DGKG: variants seen among roughly 807,000 people sequenced by gnomAD.
DGKG encodes the protein diacylglycerol kinase gamma, also known as DAG kinase gamma.
DGKG carries 78 observed loss-of-function variants against 105.3 expected under a neutral mutation model. That is an observed-to-expected ratio of 0.74 (90% CI 0.62 to 0.89). The LOEUF (loss-of-function observed/expected upper bound fraction) is 0.89, where lower values mean the gene tolerates loss of function less well. DGKG is among the 40% of genes least tolerant of loss of function. The probability of loss-of-function intolerance (pLI) is 0.00; values close to 1 mark genes in which losing one functional copy is unlikely to be tolerated. For synonymous variants in DGKG, 346 were observed against 367.1 expected, an observed-to-expected ratio of 0.94 and a Z score of 0.66; for missense variants, 958 against 1,020.1, an observed-to-expected ratio of 0.94 and a Z score of 0.83.
intron 20 of DGKG, among the ~76,000 whole-genome samples, chr3:186,236,233 C>T (rs1008412011): frequency 3.2e-4 from 48 of 152,304 alleles, no homozygotes; most frequent in African/African-American, 1.1e-3. Flanking sequence ...TTTAGTTGTC[C>T]TCCAACTTTT....
intron 21 of DGKG, among the ~76,000 whole-genome samples, chr3:186,193,708 G>T (rs1172238315): frequency 2.0e-5 from 3 of 152,198 alleles, no homozygotes; most frequent in Non-Finnish European, 2.9e-5. Flanking sequence ...TAAATGGAAC[G>T]CCGGCCCCGG....
chr3:186,348,917 G>A (rs1726490699), intron 1 of DGKG, among the ~76,000 whole-genome samples: 1 of 151,862 alleles, frequency 6.6e-6, no homozygotes, highest in Non-Finnish European at 1.5e-5. Context: ...ATTTTCACCA[G>A]AATATACTTT....
At chr3:186,224,749 T>C (rs1719770441) in intron 20 of DGKG, among the ~76,000 whole-genome samples, 2 of 126,758 alleles carry the variant, frequency 1.6e-5, no homozygotes, top group South Asian at 3.0e-4. Flanking sequence ...CCAATCTTCT[T>C]GTGAATTTCT....
intron 15 of DGKG, among the ~76,000 whole-genome samples, chr3:186,261,267 C>T (rs1419623192): frequency 6.6e-6 from 1 of 152,206 alleles, no homozygotes; most frequent in Non-Finnish European, 1.5e-5. Flanking sequence ...CTCCGCTGAA[C>T]TGGGCATTTC....
At chr3:186,176,524 T>C (rs1334740417) in intron 22 of DGKG, among the ~76,000 whole-genome samples, 1 of 152,108 alleles carries the variant, frequency 6.6e-6, no homozygotes, top group East Asian at 1.9e-4. Context: ...TTCTGGTGGT[T>C]GGGTCAGGGT....
intron 16 of DGKG, among the ~76,000 whole-genome samples, chr3:186,259,097 TCTCC>T (rs1721620674): frequency 9.7e-6 from 1 of 103,006 alleles, no homozygotes; most frequent in African/African-American, 5.4e-5. Flanking sequence ...AGAACTCTGC[TCTCC>T]GACGGGACTC....
intron 21 of DGKG, among the ~76,000 whole-genome samples, chr3:186,190,925 C>T (rs554348049): frequency 2.5e-4 from 38 of 152,290 alleles, no homozygotes; most frequent in African/African-American, 4.3e-4. Context: ...GCTGCTCTAT[C>T]GGAGCTGCAT....
chr3:186,165,056 T>G, intron 22 of DGKG, 38 bp from the exon 23 acceptor site: 1 of 1,588,518 alleles, frequency 6.3e-7, no homozygotes, highest in Non-Finnish European at 8.6e-7. Context: ...CATACACATC[T>G]CTGTGTTCCT....
intron 10 of DGKG, among the ~76,000 whole-genome samples, chr3:186,274,466 C>G (rs990384279): frequency 6.6e-6 from 1 of 151,814 alleles, no homozygotes; most frequent in African/African-American, 2.4e-5. Context: ...TATACATATG[C>G]CATGTTGGTG....
At chr3:186,286,368 C>A (rs1723070787) in intron 6 of DGKG, among the ~76,000 whole-genome samples, 1 of 152,174 alleles carries the variant, frequency 6.6e-6, no homozygotes. Context: ...CCAACGCTGA[C>A]CTCTCTCTGG....
chr3:186,274,845 C>T (rs1233694065), intron 10 of DGKG, among the ~76,000 whole-genome samples: 2 of 152,148 alleles, frequency 1.3e-5, no homozygotes, highest in Admixed American at 6.5e-5. Context: ...CCACAATAAA[C>T]ATACGTGTGC....
intron 5 of DGKG, among the ~76,000 whole-genome samples, chr3:186,294,730 C>T (rs779024380): frequency 5.0e-5 from 7 of 139,446 alleles, no homozygotes; most frequent in Non-Finnish European, 8.8e-5. Context: ...GTGCCTTACA[C>T]AGATGCCTGA....
chr3:186,177,236 T>C (rs1010234277), intron 22 of DGKG, among the ~76,000 whole-genome samples: 3 of 152,204 alleles, frequency 2.0e-5, no homozygotes, highest in African/African-American at 7.2e-5. Flanking sequence ...TCTCTTCTTA[T>C]TATTCAAAGG....
At chr3:186,262,883 C>T (rs1721842895) in intron 14 of DGKG, among the ~76,000 whole-genome samples, 1 of 152,192 alleles carries the variant, frequency 6.6e-6, no homozygotes, top group Non-Finnish European at 1.5e-5. Flanking sequence ...AATCCCAACA[C>T]TTTGGGAGGC....
rs1401621751 is a variant in DGKG at position 186,320,551 on chromosome 3, A to G, written c.-92T>C. The G allele has an allele frequency of 6.2e-6, 10 of 1,602,940 alleles. No homozygotes were observed. Among genetic ancestry groups the G allele is most frequent in the Non-Finnish European group, 8.5e-6 (10 of 1,173,896 alleles). ...CCCAGCCCAGGGCCTGGCTCATTGC[A>G]GGTTTGCGATGTAAGCCTTTCAGGA... On this transcript the variant is annotated 5_prime_UTR_variant, in exon 2 of 25. Transcript: ENST00000265022.
chr3:186,273,113 G>A (rs781782371), intron 10 of DGKG, among the ~76,000 whole-genome samples: 1 of 152,110 alleles, frequency 6.6e-6, no homozygotes, highest in Non-Finnish European at 1.5e-5. Context: ...AGGGTTTTCT[G>A]TAAAAAGGGA....
rs566176876 is a variant in DGKG, at chr3:186,312,093, G to A, written c.68-5116C>T. Among the ~76,000 whole-genome samples the A allele has an allele frequency of 3.8e-4, 36 of 95,120 alleles. 1 individual carries two copies. The highest frequency in any genetic ancestry group is 1.8e-3 in the African/African-American group (27 of 14,652). 62.4% of individuals were successfully genotyped at this position (95,120 alleles called of 152,430 possible). On this transcript the variant is annotated intron_variant, in intron 2 of 24. Coordinates refer to ENST00000265022, the MANE Select transcript of DGKG (RefSeq NM_001346.3). ...ATTGCGCCACTGCAGTCCGCAGTCC[G>A]GCCTGGGCGACAGAGCGAGACTCCG...
chr3:186,155,259 C>T (rs2108470742), intron 24 of DGKG, among the ~76,000 whole-genome samples: 1 of 152,242 alleles, frequency 6.6e-6, no homozygotes, highest in African/African-American at 2.4e-5. Context: ...ACGGCGTGAT[C>T]TCGGCTCACT....
intron 1 of DGKG, among the ~76,000 whole-genome samples, chr3:186,349,405 A>AT (rs1170895299): frequency 1.3e-5 from 2 of 152,052 alleles, no homozygotes; most frequent in Non-Finnish European, 2.9e-5. Context: ...TCTGCAAAAT[A>AT]TTTTTCATTT....
Sources: gnomAD v4.1 joint callset for allele counts (sites outside exome capture counted in the v4.1 genomes callset) on GRCh38, gnomAD v4.1.1 for gene constraint, MANE v1.5 for transcripts, NCBI Gene and HGNC (gene_info 2026-07-23, HGNC 2026-07-21) for gene names.